Variants in ZNF385D observed in about 807,000 individuals in gnomAD.
ZNF385D encodes the protein zinc finger protein 385D, also known as zinc finger protein 659.
In ZNF385D, 15 loss-of-function variants were observed where a neutral mutation model predicts 35.8. The observed-to-expected ratio is 0.42, with a 90% confidence interval of 0.28 to 0.64. The LOEUF is 0.64. Among genes scored for constraint, ZNF385D ranks in the 30% least tolerant of loss-of-function variants. ZNF385D has a pLI of 0.23. For synonymous variants in ZNF385D, 212 were observed against 186.8 expected (o/e 1.13, Z -1.10); for missense variants, 474 against 494.6 (o/e 0.96, Z 0.39).
At chr3:21,954,473 A>G (rs1463793956) in intron 3 of ZNF385D, among the ~76,000 whole-genome samples, 1 of 152,028 alleles carries the variant, frequency 6.6e-6, no homozygotes, top group Non-Finnish European at 1.5e-5. Flanking sequence ...TAACTCCTCA[A>G]CCTGGAGGTT....
intron 3 of ZNF385D, among the ~76,000 whole-genome samples, chr3:21,973,266 C>T (rs1048742659): frequency 1.3e-5 from 2 of 151,880 alleles, no homozygotes; most frequent in Non-Finnish European, 2.9e-5. Context: ...GTTCAACATA[C>T]AGAAGTCAAT....
chr3:22,088,226 A>C (rs1701146475), intron 3 of ZNF385D, among the ~76,000 whole-genome samples: 2 of 152,228 alleles, frequency 1.3e-5, no homozygotes, highest in Non-Finnish European at 2.9e-5. Context: ...CACGATGAGC[A>C]AATGCTGAAG....
chr3:21,542,330 G>C (rs892828567), intron 3 of ZNF385D, among the ~76,000 whole-genome samples: 1 of 135,472 alleles, frequency 7.4e-6, no homozygotes, highest in Admixed American at 8.4e-5. Flanking sequence ...AGATTCCTGG[G>C]TTTTTCTTCT....
At position 22,322,014 on chromosome 3, in the gene ZNF385D, C is replaced by A. The variant is rs575995083; in HGVS notation, c.106+50436G>T. The stretch of plus-strand genomic sequence containing the variant: ...AATAAAATGAGTTCTTTAGAAAATT[C>A]CCTGCCTTTACCCAATTATAGCTTT... On this transcript the variant is annotated intron_variant, in intron 2 of 5. Transcript: ENST00000494108. Among the ~76,000 whole-genome samples the A allele has an allele frequency of 2.6e-5, 4 of 152,238 alleles. No homozygotes were observed. In the South Asian group the frequency reaches 8.3e-4, roughly 32 times the overall value.
intron 1 of ZNF385D, among the ~76,000 whole-genome samples, chr3:21,673,703 T>C (rs971913563): frequency 6.6e-6 from 1 of 152,108 alleles, no homozygotes; most frequent in Non-Finnish European, 1.5e-5. Context: ...AAGTTAATGA[T>C]TAAGTAAACA....
intron 1 of ZNF385D, among the ~76,000 whole-genome samples, chr3:21,695,368 G>GT (rs1409799749): frequency 6.6e-6 from 1 of 152,204 alleles, no homozygotes; most frequent in Non-Finnish European, 1.5e-5. Context: ...ATAGTGGATG[G>GT]TAATACTCAA....
rs544383548 is a variant in ZNF385D at position 21,582,566 on chromosome 3, A to G, written c.166-17882T>C. Among the ~76,000 whole-genome samples the G allele has an allele frequency of 7.9e-5, 12 of 152,274 alleles. No homozygotes were observed. The South Asian group carries it at 2.1e-3, about 26-fold the overall frequency. On this transcript the variant is annotated intron_variant, in intron 2 of 7. Transcript: ENST00000281523. The stretch of plus-strand genomic sequence containing the variant: ...AAGTCAGAAGCTTGAAACATTTAAT[A>G]AAGGTCAAGTGTTCAGCAAGACGTT...
chr3:21,948,776 C>A (rs1365197254), intron 3 of ZNF385D, among the ~76,000 whole-genome samples: 1 of 151,720 alleles, frequency 6.6e-6, no homozygotes, highest in African/African-American at 2.4e-5. Flanking sequence ...AAATATAGAA[C>A]AAAAAATGTG....
At position 21,861,492 on chromosome 3, in the gene ZNF385D, A is replaced by T. The variant is rs138788823; in HGVS notation, c.326-196464T>A. On this transcript the variant is annotated intron_variant, in intron 3 of 5. Coordinates refer to the ZNF385D transcript ENST00000494108. The stretch of plus-strand genomic sequence containing the variant: ...GAGGAGTGCAAATTTAGATAAATAC[A>T]ATTAATGGAAAATGTCTACGGGGAG... 4.6e-5 allele frequency among the ~76,000 whole-genome samples: 7 copies of T among 152,258 alleles called. No individual in the cohort carries two copies. The East Asian group carries it at 7.8e-4, about 17-fold the overall frequency.
chr3:22,173,050 C>T (rs756795329), intron 2 of ZNF385D, among the ~76,000 whole-genome samples: 29 of 152,184 alleles, frequency 1.9e-4, no homozygotes, highest in Non-Finnish European at 3.1e-4. Context: ...CTTAATATGA[C>T]GTGCTAACAA....
chr3:21,872,723 C>G (rs1697757602), intron 3 of ZNF385D, among the ~76,000 whole-genome samples: 1 of 152,048 alleles, frequency 6.6e-6, no homozygotes, highest in Non-Finnish European at 1.5e-5. Flanking sequence ...ACCTAAACTT[C>G]TGAAGGGATA....
chr3:22,065,079 G>C (rs536894148), intron 3 of ZNF385D, among the ~76,000 whole-genome samples: 254 of 152,218 alleles, frequency 1.7e-3, no homozygotes, highest in Non-Finnish European at 2.7e-3. Flanking sequence ...AAACAAATTA[G>C]TTAGCCTTTC....
intron 3 of ZNF385D, among the ~76,000 whole-genome samples, chr3:22,080,749 TG>T (rs144203819): frequency 0.015 from 2,351 of 152,188 alleles, 61 homozygotes; most frequent in African/African-American, 0.053. Flanking sequence ...GTAGGGCCTT[TG>T]GGGGGCAATT....
intron 3 of ZNF385D, among the ~76,000 whole-genome samples, chr3:22,109,911 C>A (rs1345161065): frequency 1.3e-5 from 2 of 152,112 alleles, no homozygotes; most frequent in African/African-American, 4.8e-5. Context: ...TGACAAATAT[C>A]CAGAATCTAC....
intron 3 of ZNF385D, among the ~76,000 whole-genome samples, chr3:21,919,101 C>T (rs542191292): frequency 6.6e-6 from 1 of 152,252 alleles, no homozygotes; most frequent in South Asian, 2.1e-4. Context: ...TCTCTTGTAT[C>T]TTTCTCTGAT....
At chr3:22,192,906 T>C (rs761279947) in intron 2 of ZNF385D, among the ~76,000 whole-genome samples, 90 of 152,266 alleles carry the variant, frequency 5.9e-4, no homozygotes, top group Non-Finnish European at 1.0e-3. Flanking sequence ...GTTGCCATTA[T>C]TATGATCAAA....
chr3:22,129,914 T>C (rs1703673927), intron 3 of ZNF385D, among the ~76,000 whole-genome samples: 1 of 152,014 alleles, frequency 6.6e-6, no homozygotes, highest in South Asian at 2.1e-4. Flanking sequence ...CAGCTGGGAG[T>C]GTCCTGGGTC....
chr3:22,328,745 A>G (rs1448158321), intron 2 of ZNF385D, among the ~76,000 whole-genome samples: 2 of 150,598 alleles, frequency 1.3e-5, no homozygotes, highest in Non-Finnish European at 3.0e-5. Context: ...CTGGTGACAC[A>G]GCAAGACTCC....
Position 22,151,557 on chromosome 3 carries a change from G to A in ZNF385D, c.325+17260C>T, listed in dbSNP as rs538327591. Among the ~76,000 whole-genome samples the A allele has an allele frequency of 1.2e-4, 19 of 152,206 alleles. No individual in the cohort carries two copies. The South Asian group carries it at 2.1e-3, about 17-fold the overall frequency. ...TTCTCCAGACAAACAAACCAACAAG[G>A]TCTGCGTGTGACTAAAGGCAAGTCA... On this transcript the variant is annotated intron_variant, in intron 3 of 5. Transcript: ENST00000494108.
Sources: gnomAD v4.1 joint callset for allele counts (sites outside exome capture counted in the v4.1 genomes callset) on GRCh38, gnomAD v4.1.1 for gene constraint, MANE v1.5 for transcripts, NCBI Gene and HGNC (gene_info 2026-07-23, HGNC 2026-07-21) for gene names.